The following IL1RAPL2 variants were observed in gnomAD, a reference collection of about 807,000 sequenced individuals.
IL1RAPL2 encodes X-linked interleukin-1 receptor accessory protein-like 2.
Under a neutral mutation model 44.1 loss-of-function variants are expected in IL1RAPL2, and 3 were observed. The observed-to-expected ratio is 0.07, with a 90% CI of 0.03 to 0.18. The LOEUF (loss-of-function observed/expected upper bound fraction) is 0.18, where lower values mean the gene tolerates loss of function less well. Among genes scored for constraint, IL1RAPL2 ranks in the 10% least tolerant of loss-of-function variants. IL1RAPL2 has a pLI of 1.00. For missense variants in IL1RAPL2, 391 were observed against 496.4 expected (o/e 0.79, Z 2.02); for synonymous variants, 181 against 178.8 (o/e 1.01, Z -0.10).
intron 2 of IL1RAPL2, among the ~76,000 whole-genome samples, chrX:104,801,429 A>T (rs980249079): frequency 1.5e-5 from 1 of 65,380 alleles, no homozygotes; most frequent in Non-Finnish European, 2.8e-5. Flanking sequence ...CGACTTGAGC[A>T]TTTAGTTGTT....
intron 2 of IL1RAPL2, among the ~76,000 whole-genome samples, chrX:104,890,718 A>G (rs1324537992): frequency 2.7e-5 from 3 of 111,848 alleles, no homozygotes; most frequent in African/African-American, 9.7e-5. Context: ...AGATGAGTAG[A>G]TTGCAAAAAT....
intron 2 of IL1RAPL2, among the ~76,000 whole-genome samples, chrX:104,959,410 C>T (rs1211674076): frequency 3.6e-5 from 4 of 111,405 alleles, no homozygotes; most frequent in Non-Finnish European, 1.9e-5. Context: ...TTACAGTTTC[C>T]GAAATCAATC....
intron 2 of IL1RAPL2, among the ~76,000 whole-genome samples, chrX:104,890,405 G>A (rs748498187): frequency 8.9e-6 from 1 of 111,744 alleles, no homozygotes; most frequent in Non-Finnish European, 1.9e-5. Context: ...CTAGTTTACA[G>A]TCCCACCAAC....
intron 2 of IL1RAPL2, among the ~76,000 whole-genome samples, chrX:105,161,268 C>T (rs1436588217): frequency 9.3e-6 from 1 of 107,711 alleles, no homozygotes; most frequent in African/African-American, 3.5e-5. Flanking sequence ...AAATAACTCA[C>T]TACTTAAATT....
intron 2 of IL1RAPL2, among the ~76,000 whole-genome samples, chrX:104,904,269 A>G (rs1031190426): frequency 1.8e-5 from 2 of 110,530 alleles, no homozygotes; most frequent in Admixed American, 1.9e-4. Context: ...ACATACACAT[A>G]TATACATATG....
At chrX:105,328,963 T>C (rs2147692697) in intron 5 of IL1RAPL2, among the ~76,000 whole-genome samples, 1 of 112,594 alleles carries the variant, frequency 8.9e-6, no homozygotes, top group South Asian at 3.6e-4. Context: ...GACACATTTC[T>C]TAGAATGTAT....
chrX:104,860,474 G>A (rs1039523072), intron 2 of IL1RAPL2, among the ~76,000 whole-genome samples: 1 of 111,712 alleles, frequency 9.0e-6, no homozygotes, highest in African/African-American at 3.2e-5. Context: ...GTGTGACACA[G>A]TACACACCAA....
At chrX:104,845,680 T>C (rs761027122) in intron 2 of IL1RAPL2, among the ~76,000 whole-genome samples, 3 of 111,885 alleles carry the variant, frequency 2.7e-5, no homozygotes, top group East Asian at 2.8e-4. Context: ...TGGGGATTTA[T>C]GCCTGAGAAC....
intron 1 of IL1RAPL2, among the ~76,000 whole-genome samples, chrX:104,656,976 T>C (rs1421007368): frequency 4.5e-5 from 5 of 111,151 alleles, no homozygotes; most frequent in Non-Finnish European, 3.8e-5. Flanking sequence ...AAGTCTGTTT[T>C]ATCAGAGACT....
rs193009894 is a variant in IL1RAPL2 at position 104,620,830 on chromosome X, A to G, written c.-19-38065A>G. ...TGTGTTCCATGAAACTTTTGAAACCAGCTGATTGTCAAATGTCAAGCATCT... is the reference window on the plus strand; with the variant it reads ...TGTGTTCCATGAAACTTTTGAAACCGGCTGATTGTCAAATGTCAAGCATCT... On this transcript the variant is annotated intron_variant, in intron 1 of 10. Transcript: ENST00000372582. Among the ~76,000 whole-genome samples the G allele has an allele frequency of 1.6e-3, 164 of 105,091 alleles. 2 individuals carry two copies. The highest frequency in any genetic ancestry group is 5.3e-3 in the African/African-American group (156 of 29,171). 91.3% of individuals were successfully genotyped at this position (105,091 alleles called of 115,157 possible). A position where few individuals can be genotyped will look rare whatever the true frequency, so the allele number is the denominator to read the frequency against.
intron 6 of IL1RAPL2, among the ~76,000 whole-genome samples, chrX:105,543,226 C>G (rs2036759684): frequency 8.9e-6 from 1 of 111,783 alleles, no homozygotes; most frequent in African/African-American, 3.3e-5. Flanking sequence ...AAAGTTCAAT[C>G]AGTCAATTAA....
intron 2 of IL1RAPL2, among the ~76,000 whole-genome samples, chrX:104,668,995 G>T (rs1178485206): frequency 1.8e-5 from 2 of 111,432 alleles, no homozygotes; most frequent in African/African-American, 6.5e-5. Context: ...GTGAGGCATA[G>T]CTCTCGTTAC....
At chrX:105,297,408 A>G (rs150077222) in intron 5 of IL1RAPL2, among the ~76,000 whole-genome samples, 118 of 111,969 alleles carry the variant, frequency 1.1e-3, no homozygotes, top group African/African-American at 3.6e-3. Flanking sequence ...ACACTGCTAT[A>G]AAGATACTAC....
At chrX:105,413,058 G>C (rs1381905424) in intron 5 of IL1RAPL2, among the ~76,000 whole-genome samples, 1 of 111,457 alleles carries the variant, frequency 9.0e-6, no homozygotes, top group Non-Finnish European at 1.9e-5. Context: ...AATAATGAAT[G>C]TTTCAGTGTG....
At chrX:104,878,333 A>G (rs1922966296) in intron 2 of IL1RAPL2, among the ~76,000 whole-genome samples, 1 of 112,140 alleles carries the variant, frequency 8.9e-6, no homozygotes, top group Non-Finnish European at 1.9e-5. Flanking sequence ...TTTGTCAAGC[A>G]CTTTATATCC....
chrX:105,618,806 G>T (rs2037396838), intron 6 of IL1RAPL2, among the ~76,000 whole-genome samples: 1 of 111,879 alleles, frequency 8.9e-6, no homozygotes, highest in Non-Finnish European at 1.9e-5. Context: ...GAACTACCCA[G>T]GTAAGAGCTT....
At chrX:104,744,260 C>CT (rs924853681) in intron 2 of IL1RAPL2, among the ~76,000 whole-genome samples, 4 of 110,996 alleles carry the variant, frequency 3.6e-5, no homozygotes, top group African/African-American at 1.3e-4. Flanking sequence ...ATATTATGAA[C>CT]TGTGGATTTT....
At chrX:105,376,379 A>T (rs1051598036) in intron 5 of IL1RAPL2, among the ~76,000 whole-genome samples, 6 of 112,015 alleles carry the variant, frequency 5.4e-5, no homozygotes, top group African/African-American at 1.6e-4. Context: ...TGTAAGAAAT[A>T]TGAAACTTGT....
intron 2 of IL1RAPL2, among the ~76,000 whole-genome samples, chrX:104,736,461 C>T (rs1266125113): frequency 1.8e-5 from 2 of 111,808 alleles, no homozygotes; most frequent in East Asian, 5.7e-4. Context: ...CAGCTACTCC[C>T]AGAACTTCTT....
Sources: gnomAD v4.1 joint callset for allele counts (sites outside exome capture counted in the v4.1 genomes callset) on GRCh38, gnomAD v4.1.1 for gene constraint, MANE v1.5 for transcripts, NCBI Gene and HGNC (gene_info 2026-07-23, HGNC 2026-07-21) for gene names.